PDK3: variants seen among roughly 807,000 people sequenced by gnomAD.
The protein encoded by PDK3 is pyruvate dehydrogenase kinase, isozyme 3.
A neutral mutation model predicts 32.0 loss-of-function variants in PDK3; 12 were observed. That is an observed-to-expected ratio of 0.37 (90% CI 0.24 to 0.61). PDK3 has a LOEUF of 0.61. PDK3 is among the 20% of genes least tolerant of loss of function. The pLI, the probability that PDK3 is intolerant of heterozygous loss-of-function variation, is 0.65. For missense variants in PDK3, 188 were observed against 316.9 expected (o/e 0.59, Z 3.09); for synonymous variants, 122 against 116.3 (o/e 1.05, Z -0.31).
rs1034525738 is a variant in PDK3, at chrX:24,526,106, T to G, written c.674-92T>G. On this transcript the variant is annotated intron_variant, in intron 6 of 10. Coordinates refer to ENST00000379162, the MANE Select transcript of PDK3 (RefSeq NM_005391.5). Reference sequence around the variant, plus strand: ...AAATTAGCCTTTTATAGAGCTCTGTTTTACACACTTGGAAAATAGAATGCA... The same window carrying G: ...AAATTAGCCTTTTATAGAGCTCTGTGTTACACACTTGGAAAATAGAATGCA... The G allele has an allele frequency of 5.9e-6, 4 of 674,701 alleles. No individual in the cohort carries two copies. In the African/African-American group the frequency reaches 8.6e-5, roughly 15 times the overall value. The allele number at this position is 674,701 out of a possible 1,213,427, so 55.6% of individuals were successfully genotyped here. A position where few individuals can be genotyped will look rare whatever the true frequency, so the allele number is the denominator to read the frequency against.
chrX:24,498,344 G>C (rs750913307), intron 2 of PDK3, among the ~76,000 whole-genome samples: 1 of 111,740 alleles, frequency 8.9e-6, no homozygotes, highest in South Asian at 3.7e-4. Flanking sequence ...TCGAGGCCCT[G>C]CTTTCGATGG....
chrX:24,546,818 C>T (rs1257428694), exon 12 of PDK3: 1 of 112,152 alleles, frequency 8.9e-6, no homozygotes, highest in African/African-American at 3.2e-5. Flanking sequence ...ATTTGTCACC[C>T]TTTAAATAGA....
chrX:24,522,780 T>G (rs1922429945), intron 6 of PDK3, among the ~76,000 whole-genome samples: 1 of 109,729 alleles, frequency 9.1e-6, no homozygotes, highest in Non-Finnish European at 1.9e-5. Context: ...ATGGCATGTT[T>G]CTTTAGTCCC....
rs771031471 is a variant in PDK3 at position 24,468,422 on chromosome X, C to T, written c.106+2861C>T. 7.1e-4 allele frequency among the ~76,000 whole-genome samples: 79 copies of T among 111,837 alleles called. 1 individual carries two copies. The highest frequency in any genetic ancestry group is 2.4e-3 in the African/African-American group (75 of 30,754). ...AACCAAACATGTCTCCAGTCATTGC[C>T]AAATGTCCCCTGGGGGAGCAAAATG... On this transcript the variant is annotated intron_variant, in intron 1 of 10. Coordinates refer to ENST00000379162, the MANE Select transcript of PDK3 (RefSeq NM_005391.5).
chrX:24,488,413 G>A (rs754623365), intron 1 of PDK3, among the ~76,000 whole-genome samples: 7 of 112,377 alleles, frequency 6.2e-5, no homozygotes, highest in Middle Eastern at 4.6e-3. Flanking sequence ...CAGAGGCCAG[G>A]CGCAGTGGCT....
chrX:24,519,062 T>G (rs760775841), intron 6 of PDK3, 52 bp downstream of exon 6: 1 of 751,579 alleles, frequency 1.3e-6, no homozygotes, highest in Admixed American at 2.9e-5. Context: ...ACTAAGAAGC[T>G]GTTTATACCT....
rs1940050882 is a variant in PDK3 at position 24,465,324 on chromosome X, C to G, written c.-132C>G. 7.9e-6 allele frequency: 3 copies of G among 382,165 alleles called. No individual in the cohort carries two copies. The highest frequency in any genetic ancestry group is 8.5e-6 in the Non-Finnish European group (2 of 234,643). The allele number at this position is 382,165 out of a possible 1,213,427, so 31.5% of individuals were successfully genotyped here. A position where few individuals can be genotyped will look rare whatever the true frequency, so the allele number is the denominator to read the frequency against. On this transcript the variant is annotated 5_prime_UTR_variant, in exon 1 of 11. Transcript: ENST00000379162. ...TGCTGCTGCTGCTGCGGCGGCTGCA[C>G]CGGCGGCGCCGAGGCCGAGATCGAG...
chrX:24,531,083 G>GTGTGTGTGT (rs56215753), intron 9 of PDK3, among the ~76,000 whole-genome samples: 1 of 109,378 alleles, frequency 9.1e-6, no homozygotes, highest in African/African-American at 3.3e-5. Context: ...GTGTGTGTGT[G>GTGTGTGTGT]GAGATGGAGT....
chrX:24,495,488 T>C (rs1481021390), intron 2 of PDK3, among the ~76,000 whole-genome samples: 1 of 112,518 alleles, frequency 8.9e-6, no homozygotes, highest in Admixed American at 9.4e-5. Flanking sequence ...GCCCCTTTTC[T>C]CAGATTTGAT....
rs917630825 is a variant in PDK3, at chrX:24,533,908, A to G, written c.1078-21A>G. The G allele has an allele frequency of 4.2e-6, 5 of 1,177,145 alleles. No individual in the cohort carries two copies. In the Admixed American group the frequency reaches 9.6e-5, roughly 23 times the overall value. On this transcript the variant is annotated intron_variant, in intron 10 of 10. Coordinates refer to ENST00000379162, the MANE Select transcript of PDK3 (RefSeq NM_005391.5). ...AAATGACACTGTCGACCTTTGGTGT[A>G]TATTTTTGTTTCTCCAATAGGCTCT...
intron 1 of PDK3, among the ~76,000 whole-genome samples, chrX:24,477,756 G>C (rs193193197): frequency 9.0e-6 from 1 of 111,357 alleles, no homozygotes; most frequent in African/African-American, 3.3e-5. Context: ...TTTTTACCCT[G>C]TTCTGCTGTC....
chrX:24,520,993 A>C, intron 6 of PDK3, among the ~76,000 whole-genome samples: 1 of 111,255 alleles, frequency 9.0e-6, no homozygotes, highest in East Asian at 2.8e-4. Context: ...TTAAAGATAA[A>C]CCAGGCCAGG....
chrX:24,477,451 A>G (rs763664320), intron 1 of PDK3, among the ~76,000 whole-genome samples: 2 of 112,061 alleles, frequency 1.8e-5, no homozygotes, highest in Admixed American at 9.5e-5. Flanking sequence ...ATCAAAGTAT[A>G]AAACTGAAGA....
Position 24,521,825 on chromosome X carries a change from C to G in PDK3, c.673+2815C>G, listed in dbSNP as rs144117639. 2.7e-3 allele frequency among the ~76,000 whole-genome samples: 300 copies of G among 111,883 alleles called. 2 individuals are homozygous for G. The highest frequency in any genetic ancestry group is 9.3e-3 in the Middle Eastern group (2 of 214). On this transcript the variant is annotated intron_variant, in intron 6 of 10. Transcript: ENST00000379162. ...CCCCTTTCGATCATGTTTTGAAGCC[C>G]CTTGTCCTATCACTAAGATAAATGA... is the stretch of plus-strand genomic sequence containing the variant.
chrX:24,546,341 G>A (rs1922996131), exon 12 of PDK3: 1 of 111,860 alleles, frequency 8.9e-6, no homozygotes, highest in African/African-American at 3.3e-5. Context: ...TATTTGAATA[G>A]AAGTTTAAAG....
intron 2 of PDK3, among the ~76,000 whole-genome samples, chrX:24,496,913 C>G (rs113686379): frequency 0.38 from 38,560 of 102,481 alleles, 5,731 homozygotes; most frequent in Middle Eastern, 0.43. Flanking sequence ...TCCCAAGTAG[C>G]TGGGACTACA....
At chrX:24,532,982 A>T (rs1200092090) in intron 10 of PDK3, among the ~76,000 whole-genome samples, 1 of 110,902 alleles carries the variant, frequency 9.0e-6, no homozygotes, top group Non-Finnish European at 1.9e-5. Context: ...AGCTTAAAGG[A>T]AATGCTTATT....
In PDK3 at chrX:24,519,158, C is replaced by G. The variant is rs368810406; in HGVS notation, c.673+148C>G. On this transcript the variant is annotated intron_variant, in intron 6 of 10. Transcript: ENST00000379162. ...AAAACTTTCTACGCTTTTGGTCAACCAGATATATTATTGTAAGGAGTTTTT... is the reference window on the plus strand; with the variant it reads ...AAAACTTTCTACGCTTTTGGTCAACGAGATATATTATTGTAAGGAGTTTTT... 2.9e-5 allele frequency: 12 copies of G among 417,720 alleles called. 1 individual carries two copies. In the South Asian group the frequency reaches 4.3e-4, roughly 15 times the overall value. The allele number at this position is 417,720 out of a possible 1,213,427, so 34.4% of individuals were successfully genotyped here. A position where few individuals can be genotyped will look rare whatever the true frequency, so the allele number is the denominator to read the frequency against.
chrX:24,525,058 G>A (rs1199698634), intron 6 of PDK3, among the ~76,000 whole-genome samples: 1 of 111,427 alleles, frequency 9.0e-6, no homozygotes, highest in Admixed American at 9.5e-5. Context: ...TCAGGAGGCC[G>A]AGGCAGGAGA....
Sources: allele counts gnomAD v4.1 joint callset (sites outside exome capture counted in the v4.1 genomes callset), GRCh38; gene constraint gnomAD v4.1.1; transcripts MANE v1.5; gene names NCBI Gene and HGNC (gene_info 2026-07-23, HGNC 2026-07-21).